The following DTNB variants were observed in gnomAD, a reference collection of about 807,000 sequenced individuals.
DTNB encodes the protein DTN-B.
A neutral mutation model predicts 90.7 loss-of-function variants in DTNB; 63 were observed. The observed-to-expected ratio is 0.69, with a 90% CI of 0.57 to 0.86. The LOEUF (loss-of-function observed/expected upper bound fraction) is 0.86. DTNB is among the 40% of genes least tolerant of loss of function. The probability of loss-of-function intolerance (pLI) is 0.00; values close to 1 mark genes in which losing one functional copy is unlikely to be tolerated. For missense variants in DTNB, 744 were observed against 807.1 expected (o/e 0.92, Z 0.95); for synonymous variants, 277 against 286.7 (o/e 0.97, Z 0.34).
intron 8 of DTNB, among the ~76,000 whole-genome samples, chr2:25,544,749 C>A (rs1450650591): frequency 6.6e-6 from 1 of 152,226 alleles, no homozygotes; most frequent in African/African-American, 2.4e-5. Context: ...TTTAGTACTT[C>A]AGCTGCACCT....
Position 25,596,073 on chromosome 2 carries a change from A to C in DTNB, c.603+13T>G. 4 of 1,588,672 alleles carry C rather than the reference A, an allele frequency of 2.5e-6. No homozygotes were observed. The highest frequency in any genetic ancestry group is 3.4e-6 in the Non-Finnish European group (4 of 1,171,148). On this transcript the variant is annotated intron_variant, in intron 6 of 20. Coordinates refer to ENST00000406818, the MANE Select transcript of DTNB (RefSeq NM_021907.5). ...CGCTCTTCTAGCCCTAGATTCTATA[A>C]AACTGTCCTTACCTGCTGTGGAAAA...
intron 9 of DTNB, among the ~76,000 whole-genome samples, chr2:25,526,377 A>ATG (rs1224056242): frequency 1.0e-4 from 5 of 50,224 alleles, no homozygotes; most frequent in Admixed American, 3.7e-4. Context: ...ATATATATAT[A>ATG]TATATATATA....
chr2:25,670,883 T>G (rs1388557509), intron 1 of DTNB, among the ~76,000 whole-genome samples: 1 of 152,212 alleles, frequency 6.6e-6, no homozygotes, highest in Non-Finnish European at 1.5e-5. Flanking sequence ...TGACGAAATT[T>G]TGTGCCATCC....
intron 6 of DTNB, among the ~76,000 whole-genome samples, chr2:25,589,071 G>A (rs966662495): frequency 1.3e-5 from 2 of 152,226 alleles, no homozygotes; most frequent in African/African-American, 4.8e-5. Context: ...TTCAAAGTGA[G>A]GAGAAAAATC....
intron 12 of DTNB, among the ~76,000 whole-genome samples, chr2:25,449,104 CTTT>C (rs1177463860): frequency 6.6e-6 from 1 of 152,058 alleles, no homozygotes; most frequent in East Asian, 1.9e-4. Flanking sequence ...ACAGTACGTA[CTTT>C]TTTTGTCTGG....
chr2:25,489,825 C>A (rs1479830991), intron 9 of DTNB, among the ~76,000 whole-genome samples: 1 of 151,956 alleles, frequency 6.6e-6, no homozygotes, highest in African/African-American at 2.4e-5. Flanking sequence ...TGAGGAACTA[C>A]CTGAACAAAT....
intron 1 of DTNB, among the ~76,000 whole-genome samples, chr2:25,662,676 ACACAAACACAC>A (rs1559430576): frequency 1.7e-4 from 14 of 84,004 alleles, no homozygotes; most frequent in African/African-American, 4.1e-4. Flanking sequence ...ACACACACAC[ACACAAACACAC>A]ACACACACAC....
chr2:25,659,978 G>A (rs1026326501), intron 1 of DTNB, among the ~76,000 whole-genome samples: 3 of 152,088 alleles, frequency 2.0e-5, no homozygotes, highest in Non-Finnish European at 2.9e-5. Flanking sequence ...AGCAAATGAA[G>A]TCCATGAACG....
chr2:25,452,485 G>C (rs2059423742), intron 11 of DTNB, among the ~76,000 whole-genome samples: 1 of 152,202 alleles, frequency 6.6e-6, no homozygotes, highest in African/African-American at 2.4e-5. Flanking sequence ...TAAGACGACA[G>C]TGATGATGTT....
chr2:25,488,289 G>C (rs1438041331), intron 9 of DTNB, among the ~76,000 whole-genome samples: 1 of 152,122 alleles, frequency 6.6e-6, no homozygotes, highest in Admixed American at 6.5e-5. Flanking sequence ...CAGTAAGAGA[G>C]GGTGACTGAT....
At chr2:25,510,674 AT>A (rs1553471157) in intron 9 of DTNB, among the ~76,000 whole-genome samples, 1 of 151,948 alleles carries the variant, frequency 6.6e-6, no homozygotes, top group Non-Finnish European at 1.5e-5. Flanking sequence ...CACCCAGCTA[AT>A]TTTTGTATTT....
intron 10 of DTNB, among the ~76,000 whole-genome samples, chr2:25,462,998 C>G (rs536124512): frequency 6.6e-6 from 1 of 152,160 alleles, no homozygotes; most frequent in Non-Finnish European, 1.5e-5. Context: ...CCACCGCGCC[C>G]GGCCTACTCA....
At chr2:25,507,496 G>A (rs2072748488) in intron 9 of DTNB, among the ~76,000 whole-genome samples, 1 of 152,088 alleles carries the variant, frequency 6.6e-6, no homozygotes, top group South Asian at 2.1e-4. Context: ...AGCTGTGCAG[G>A]CCAAACTGAC....
chr2:25,601,924 C>A (rs2065965607), intron 5 of DTNB, among the ~76,000 whole-genome samples: 1 of 152,046 alleles, frequency 6.6e-6, no homozygotes, highest in Non-Finnish European at 1.5e-5. Flanking sequence ...GAGTTCAAGA[C>A]CAGCCTGTCC....
intron 8 of DTNB, among the ~76,000 whole-genome samples, chr2:25,553,053 G>A (rs1253764681): frequency 2.0e-5 from 3 of 150,854 alleles, no homozygotes; most frequent in Non-Finnish European, 4.4e-5. Flanking sequence ...GTAGAGACGG[G>A]GTTTCACCTT....
rs989592853 is a variant in DTNB, at chr2:25,503,339, T to A, written c.1002-20466A>T. Among the ~76,000 whole-genome samples the A allele has an allele frequency of 2.0e-5, 3 of 151,780 alleles. No homozygotes were observed. The East Asian group carries it at 5.9e-4, about 30-fold the overall frequency. The stretch of plus-strand genomic sequence containing the variant: ...CTCTCTCCCTCCAAAAAAAAAATTT[T>A]AAAAATTAGACAGGTGTGGTAGTGC... On this transcript the variant is annotated intron_variant, in intron 9 of 20. Transcript: ENST00000406818.
rs961987498 is a variant in DTNB at position 25,419,340 on chromosome 2, A to G, written c.1575+175T>C. Reference sequence around the variant, plus strand: ...TAAGAACATGCTCTACTGGGTAAACATGCCTTGAACTTTTAGGCCATTTTA... The same window carrying G: ...TAAGAACATGCTCTACTGGGTAAACGTGCCTTGAACTTTTAGGCCATTTTA... On this transcript the variant is annotated intron_variant, in intron 16 of 20. Coordinates refer to ENST00000406818, the MANE Select transcript of DTNB (RefSeq NM_021907.5). The G allele has an allele frequency of 1.6e-5, 15 of 922,068 alleles. No homozygotes were observed. In the African/African-American group the frequency reaches 2.3e-4, roughly 14 times the overall value. The allele number at this position is 922,068 out of a possible 1,614,324, so 57.1% of individuals were successfully genotyped here. A position where few individuals can be genotyped will look rare whatever the true frequency, so the allele number is the denominator to read the frequency against.
Position 25,388,311 on chromosome 2 carries a change from C to T in DTNB, c.1626G>A (p.Arg542=). Residue 542 remains arginine (R), a synonymous_variant, in exon 17 of 21, where the codon CGG becomes CGA. Transcript: ENST00000406818. ...PHTSPTHGGG[R]PMPMPVRSTS... ...TGGAGCGCACTGGCATGGGCATTGG[C>T]CGGCCGCCTCCATGGGTGGGCGATG... is the stretch of plus-strand genomic sequence containing the variant. 1 of 1,613,210 alleles carries T rather than the reference C, an allele frequency of 6.2e-7. No individual in the cohort carries two copies.
chr2:25,380,156 T>G (rs2037199350), intron 19 of DTNB, among the ~76,000 whole-genome samples: 1 of 152,226 alleles, frequency 6.6e-6, no homozygotes. Context: ...AGTTTCCTTA[T>G]CGAGCAGACT....
Sources: gnomAD v4.1 joint callset for allele counts (sites outside exome capture counted in the v4.1 genomes callset) on GRCh38, gnomAD v4.1.1 for gene constraint, MANE v1.5 for transcripts, NCBI Gene and HGNC (gene_info 2026-07-23, HGNC 2026-07-21) for gene names.